OTOF: variants seen among roughly 807,000 people sequenced by gnomAD.
OTOF encodes otoferlin.
A neutral mutation model predicts 236.8 loss-of-function variants in OTOF; 218 were observed. That is an observed-to-expected ratio of 0.92 (90% CI 0.82 to 1.03). The LOEUF is 1.03. Among genes scored for constraint, OTOF ranks in the 50% least tolerant of loss-of-function variants. The probability of loss-of-function intolerance (pLI) is 0.00; values close to 1 mark genes in which losing one functional copy is unlikely to be tolerated. For missense variants in OTOF, 2,590 were observed against 2,694.4 expected (o/e 0.96, Z 0.86); for synonymous variants, 1,041 against 1,072.5 (o/e 0.97, Z 0.57).
chr2:26,481,016 C>CA lies in OTOF; in HGVS notation c.1580-8dup, dbSNP rs749640203. On this transcript the variant is annotated splice_polypyrimidine_tract_variant and splice_region_variant and intron_variant, in intron 14 of 46. Transcript: ENST00000272371. ...CCCAGTGTGGGCAGGAAGCCTGTGG[C>CA]AGTGGGAACAAAAATGAGGGGGCAG... The CA allele has an allele frequency of 6.2e-7, 1 of 1,608,524 alleles. No homozygotes were observed. The highest frequency in any genetic ancestry group is 1.3e-5 in the African/African-American group (1 of 74,982).
rs552749550 is a variant in OTOF, at chr2:26,505,604, G to C, written c.510-1759C>G. ...AATAAAAAGACTGAGGCTCAGAGAG[G>C]GGACAATAATCGCGAGGTCACACGG... On this transcript the variant is annotated intron_variant, in intron 5 of 46. Coordinates refer to ENST00000272371, the MANE Select transcript of OTOF (RefSeq NM_194248.3). 2.6e-5 allele frequency among the ~76,000 whole-genome samples: 4 copies of C among 152,330 alleles called. No homozygotes were observed. The South Asian group carries it at 8.3e-4, about 32-fold the overall frequency.
At chr2:26,493,054 T>C (rs1340907592) in intron 9 of OTOF, among the ~76,000 whole-genome samples, 1 of 152,164 alleles carries the variant, frequency 6.6e-6, no homozygotes, top group Non-Finnish European at 1.5e-5. Context: ...ATGCCTGTCT[T>C]GGGGACATAG....
intron 5 of OTOF, chr2:26,510,853 G>A (rs1026624605): frequency 7.5e-5 from 47 of 625,446 alleles, no homozygotes; most frequent in Non-Finnish European, 1.1e-4. Flanking sequence ...ACGCTCCCCG[G>A]GGGCCTCCTT....
At chr2:26,466,983 G>A (rs1664757811) in intron 35 of OTOF, 116 bp downstream of exon 35, 8 of 1,559,618 alleles carry the variant, frequency 5.1e-6, no homozygotes, top group African/African-American at 2.7e-5. Context: ...AGTCATGGGA[G>A]AGTCCAGGGC....
Position 26,479,740 on chromosome 2 carries a change from G to A in OTOF, c.1913-87C>T, listed in dbSNP as rs1665477375. ...CAATCCGGTGCTGCCTTGGGTTTGG[G>A]AAAGGGGAGAGGGAGAGTCAGGGAA... On this transcript the variant is annotated intron_variant, in intron 16 of 46. Coordinates refer to ENST00000272371, the MANE Select transcript of OTOF (RefSeq NM_194248.3). 2.2e-6 allele frequency: 3 copies of A among 1,353,478 alleles called. No homozygotes were observed. In the South Asian group the frequency reaches 3.7e-5, roughly 17 times the overall value. The allele number at this position is 1,353,478 out of a possible 1,614,324, so 83.8% of individuals were successfully genotyped here. A position where few individuals can be genotyped will look rare whatever the true frequency, so the allele number is the denominator to read the frequency against.
intron 5 of OTOF, among the ~76,000 whole-genome samples, chr2:26,514,193 C>A (rs1464515674): frequency 6.6e-6 from 1 of 152,290 alleles, no homozygotes; most frequent in Non-Finnish European, 1.5e-5. Context: ...CCTGGGCTGG[C>A]AGCCCCAGTG....
chr2:26,513,262 G>T (rs891698915), intron 5 of OTOF, among the ~76,000 whole-genome samples: 3 of 152,194 alleles, frequency 2.0e-5, no homozygotes, highest in African/African-American at 7.2e-5. Context: ...GGTCCACACT[G>T]CCCCTGCTTA....
Position 26,477,473 on chromosome 2 carries a change from GC to G in OTOF, c.2348del (p.Gly783AlafsTer17), listed in dbSNP as rs80356591. 1.1e-4 allele frequency: 170 copies of G among 1,603,742 alleles called. No homozygotes were observed. Among genetic ancestry groups the G allele is most frequent in the Non-Finnish European group, 1.3e-4 (151 of 1,176,054 alleles). ...RFLSLADKDQ[G>X]HSSRTRLDRE... ...GGTCAAGCCTGGTGCGGGATGAGTG[GC>G]CCTGGTCCTTGTCAGCGAGGGAGAG... On this transcript the variant is annotated frameshift_variant, in exon 20 of 47. Coordinates refer to ENST00000272371, the MANE Select transcript of OTOF (RefSeq NM_194248.3). LOFTEE classifies it high-confidence loss of function. This position sits in a 1 kb window ranked among gnomAD's most constrained non-coding sequence, Gnocchi z 4.7.
intron 5 of OTOF, among the ~76,000 whole-genome samples, chr2:26,508,022 C>A (rs1202167059): frequency 6.6e-6 from 1 of 152,092 alleles, no homozygotes; most frequent in Non-Finnish European, 1.5e-5. Flanking sequence ...TTTAGTGACC[C>A]GAGTGTTTCA....
Position 26,467,310 on chromosome 2 carries a change from G to A in OTOF, c.4227+55C>T, listed in dbSNP as rs1056016669. Reference sequence around the variant, plus strand: ...CCTGCCCCACCTGCAGGATCACTGCGCCCCCCTCTTCCCGCCCCCACACAC... The same window carrying A: ...CCTGCCCCACCTGCAGGATCACTGCACCCCCCTCTTCCCGCCCCCACACAC... On this transcript the variant is annotated intron_variant, in intron 34 of 46. Transcript: ENST00000272371. 119 of 1,613,284 alleles carry A rather than the reference G, an allele frequency of 7.4e-5. No individual in the cohort carries two copies. In the Middle Eastern group the frequency reaches 9.9e-4, roughly 13 times the overall value.
intron 18 of OTOF, chr2:26,478,128 G>C (rs1196996664): frequency 7.6e-5 from 82 of 1,080,186 alleles, no homozygotes; most frequent in Non-Finnish European, 9.6e-5. Flanking sequence ...GAATGCTGGA[G>C]CCTGTGGCAG....
At chr2:26,465,164 G>T in intron 38 of OTOF, 135 bp from the exon 39 acceptor site, 1 of 739,484 alleles carries the variant, frequency 1.4e-6, no homozygotes, top group Non-Finnish European at 2.1e-6. Context: ...CCTGCCCTGG[G>T]CCCCAGGCTC....
chr2:26,509,837 G>T (rs571946310), intron 5 of OTOF, among the ~76,000 whole-genome samples: 1 of 152,236 alleles, frequency 6.6e-6, no homozygotes, highest in East Asian at 1.9e-4. Flanking sequence ...TGGGTCTATG[G>T]TGAGCTCTGG....
chr2:26,483,820 A>C (rs914641844), intron 12 of OTOF, among the ~76,000 whole-genome samples, 172 bp from the exon 13 acceptor site: 7 of 152,162 alleles, frequency 4.6e-5, no homozygotes, highest in African/African-American at 1.4e-4. Flanking sequence ...ATTCTGGGCA[A>C]ATCTTCCCAT....
chr2:26,504,148 G>A (rs113323466), intron 5 of OTOF, among the ~76,000 whole-genome samples: 2 of 152,242 alleles, frequency 1.3e-5, no homozygotes, highest in African/African-American at 4.8e-5. Flanking sequence ...GTTTTAACTG[G>A]AGCTCCTCTG....
intron 11 of OTOF, among the ~76,000 whole-genome samples, chr2:26,485,652 C>T (rs577418925): frequency 1.3e-5 from 2 of 152,354 alleles, no homozygotes; most frequent in East Asian, 3.9e-4. Flanking sequence ...GCACTGAACT[C>T]TCAGGGACTC....
At chr2:26,459,173 G>C (rs1664330261) in intron 46 of OTOF, among the ~76,000 whole-genome samples, 1 of 152,168 alleles carries the variant, frequency 6.6e-6, no homozygotes, top group Admixed American at 6.6e-5. Context: ...ACACGGGTGA[G>C]AGCCATTTCC....
At chr2:26,497,384 T>G (rs772594234) in intron 8 of OTOF, among the ~76,000 whole-genome samples, 1 of 152,236 alleles carries the variant, frequency 6.6e-6, no homozygotes, top group Non-Finnish European at 1.5e-5. Context: ...CGTGAGCCAC[T>G]GAGCCCGGCA....
intron 6 of OTOF, 134 bp from the exon 7 acceptor site, chr2:26,502,560 T>C (rs996024157): frequency 7.8e-6 from 7 of 895,750 alleles, no homozygotes; most frequent in African/African-American, 3.3e-5. Flanking sequence ...TAGAATATTA[T>C]GGCCTGAATA....
Sources: gnomAD v4.1 joint callset for allele counts (sites outside exome capture counted in the v4.1 genomes callset) on GRCh38, gnomAD v4.1.1 for gene constraint, Gnocchi (gnomAD v3.1) non-coding constraint, MANE v1.5 for transcripts, NCBI Gene and HGNC (gene_info 2026-07-23, HGNC 2026-07-21) for gene names.